RBMS3: variants seen among roughly 807,000 people sequenced by gnomAD.
RBMS3 encodes the protein RNA-binding motif, single-stranded-interacting protein 3.
A neutral mutation model predicts 66.8 loss-of-function variants in RBMS3; 27 were observed. That is an observed-to-expected ratio of 0.40 (90% CI 0.30 to 0.56). The LOEUF is 0.56. RBMS3 is among the 20% of genes least tolerant of loss of function. The pLI is 0.40. For synonymous variants in RBMS3, 188 were observed against 183.0 expected (o/e 1.03, Z -0.22); for missense variants, 513 against 549.5 (o/e 0.93, Z 0.66).
chr3:29,984,344 A>G (rs1318996591), intron 12 of RBMS3, among the ~76,000 whole-genome samples: 3 of 151,562 alleles, frequency 2.0e-5, no homozygotes, highest in Non-Finnish European at 4.4e-5. Context: ...GCTTCCTTTC[A>G]TTGGGTTAGA....
At chr3:29,302,973 C>G (rs2033780396) in intron 1 of RBMS3, among the ~76,000 whole-genome samples, 1 of 151,968 alleles carries the variant, frequency 6.6e-6, no homozygotes, top group African/African-American at 2.4e-5. Flanking sequence ...ACCTTAGTCT[C>G]ATATGAATTA....
chr3:29,740,923 C>T (rs1326295043), intron 5 of RBMS3, among the ~76,000 whole-genome samples: 2 of 151,936 alleles, frequency 1.3e-5, no homozygotes, highest in Admixed American at 1.3e-4. Flanking sequence ...TGGCTGTAGT[C>T]CCAGCTACTC....
chr3:29,907,728 C>T (rs1370272514), intron 10 of RBMS3, among the ~76,000 whole-genome samples: 1 of 151,874 alleles, frequency 6.6e-6, no homozygotes, highest in Non-Finnish European at 1.5e-5. Context: ...TTAACAAAGG[C>T]TTTATAAAGT....
chr3:29,582,147 A>G (rs974485340), intron 3 of RBMS3, among the ~76,000 whole-genome samples: 5 of 118,854 alleles, frequency 4.2e-5, no homozygotes, highest in African/African-American at 6.1e-5. Flanking sequence ...GTAGAATTCC[A>G]TTATAGATAG....
chr3:29,541,658 G>T (rs1175133256), intron 3 of RBMS3, among the ~76,000 whole-genome samples: 1 of 152,048 alleles, frequency 6.6e-6, no homozygotes, highest in African/African-American at 2.4e-5. Flanking sequence ...ACAACCTAAG[G>T]GGTCATGTCA....
chr3:29,768,385 T>C (rs1296209237), intron 6 of RBMS3, among the ~76,000 whole-genome samples: 2 of 151,934 alleles, frequency 1.3e-5, no homozygotes, highest in African/African-American at 4.8e-5. Context: ...TGATTAGATA[T>C]ATAAGACAGA....
intron 4 of RBMS3, among the ~76,000 whole-genome samples, chr3:29,587,576 C>T (rs2047578505): frequency 6.6e-6 from 1 of 151,518 alleles, no homozygotes; most frequent in African/African-American, 2.4e-5. Flanking sequence ...GTGTATGTGT[C>T]TTGGACTTCT....
intron 6 of RBMS3, among the ~76,000 whole-genome samples, chr3:29,803,868 G>A (rs765971146): frequency 6.6e-6 from 1 of 152,002 alleles, no homozygotes; most frequent in Non-Finnish European, 1.5e-5. Flanking sequence ...TGTCAAATGA[G>A]TAATTATAAA....
intron 2 of RBMS3, among the ~76,000 whole-genome samples, chr3:29,452,483 T>C (rs115064148): frequency 1.4e-4 from 21 of 152,142 alleles, no homozygotes; most frequent in African/African-American, 5.1e-4. Flanking sequence ...TTGAAATAAT[T>C]GGGAAAAAAA....
At chr3:29,699,998 G>A (rs913445345) in intron 4 of RBMS3, among the ~76,000 whole-genome samples, 2 of 152,080 alleles carry the variant, frequency 1.3e-5, no homozygotes, top group Non-Finnish European at 2.9e-5. Flanking sequence ...GACTGGATTT[G>A]TCATATTTAA....
chr3:29,577,424 T>A (rs1444449709), intron 3 of RBMS3, among the ~76,000 whole-genome samples: 2 of 152,118 alleles, frequency 1.3e-5, no homozygotes, highest in Non-Finnish European at 2.9e-5. Context: ...TCTCCCTAGG[T>A]CTCATGCCAT....
chr3:29,739,129 T>C (rs546085549), intron 4 of RBMS3, among the ~76,000 whole-genome samples: 3 of 152,232 alleles, frequency 2.0e-5, no homozygotes, highest in African/African-American at 7.2e-5. Flanking sequence ...AAAAAGAATA[T>C]ACACATTTGC....
intron 3 of RBMS3, among the ~76,000 whole-genome samples, chr3:29,554,637 G>A (rs1221932309): frequency 6.6e-6 from 1 of 152,134 alleles, no homozygotes; most frequent in East Asian, 1.9e-4. Flanking sequence ...TTTTAAGCTA[G>A]GCTTTTCAGG....
At chr3:29,605,736 T>A (rs1459402842) in intron 4 of RBMS3, among the ~76,000 whole-genome samples, 1 of 151,792 alleles carries the variant, frequency 6.6e-6, no homozygotes, top group East Asian at 1.9e-4. Context: ...GGACCCTTTT[T>A]TAATATTCTC....
chr3:29,701,658 C>A (rs1321481524), intron 4 of RBMS3, among the ~76,000 whole-genome samples: 2 of 152,248 alleles, frequency 1.3e-5, no homozygotes, highest in South Asian at 2.1e-4. Flanking sequence ...GCTGGGCGGG[C>A]CCGCACTCGG....
chr3:29,524,703 C>G (rs111356164), intron 3 of RBMS3, among the ~76,000 whole-genome samples: 1 of 151,662 alleles, frequency 6.6e-6, no homozygotes, highest in African/African-American at 2.4e-5. Flanking sequence ...CTTGGCCTCA[C>G]AAAGTGCTGG....
intron 3 of RBMS3, among the ~76,000 whole-genome samples, chr3:29,499,656 A>C (rs1481789409): frequency 2.0e-5 from 3 of 152,230 alleles, no homozygotes; most frequent in Non-Finnish European, 4.4e-5. Context: ...AGGCATACAG[A>C]TAGACCTATT....
chr3:29,775,795 C>A (rs530368897), intron 6 of RBMS3, among the ~76,000 whole-genome samples: 2 of 151,982 alleles, frequency 1.3e-5, no homozygotes, highest in Non-Finnish European at 2.9e-5. Flanking sequence ...CACTAGCATG[C>A]AACTAATTGA....
intron 6 of RBMS3, among the ~76,000 whole-genome samples, chr3:29,825,187 C>T (rs140052397): frequency 0.024 from 3,651 of 151,998 alleles, 69 homozygotes; most frequent in East Asian, 0.13. Context: ...ATGCACCCAC[C>T]ACCACACCTG....
Sources: allele counts gnomAD v4.1 joint callset (sites outside exome capture counted in the v4.1 genomes callset), GRCh38; gene constraint gnomAD v4.1.1; transcripts MANE v1.5; gene names NCBI Gene and HGNC (gene_info 2026-07-23, HGNC 2026-07-21).